Variants in TIMM23B observed in about 807,000 individuals in gnomAD.
The protein encoded by TIMM23B is translocase of inner mitochondrial membrane 23 homolog B.
TIMM23B carries 27 observed loss-of-function variants against 27.3 expected under a neutral mutation model. The observed-to-expected ratio is 0.99, with a 90% CI of 0.73 to 1.36. The LOEUF (loss-of-function observed/expected upper bound fraction) is 1.36, where lower values mean the gene tolerates loss of function less well. Ranked by LOEUF, TIMM23B falls within the 40% of genes most tolerant of loss-of-function variation. TIMM23B has a pLI of 0.00. For missense variants in TIMM23B, 205 were observed against 244.2 expected (o/e 0.84, Z 1.07); for synonymous variants, 73 against 92.4 (o/e 0.79, Z 1.21).
chr10:49,946,491 G>A (rs1220369170), intron 2 of TIMM23B, among the ~76,000 whole-genome samples: 44 of 152,182 alleles, frequency 2.9e-4, no homozygotes, highest in Admixed American at 1.1e-3. Flanking sequence ...ACTAATGATC[G>A]AGTTCAGCAA....
intron 2 of TIMM23B, among the ~76,000 whole-genome samples, chr10:49,947,654 G>A (rs1165865138): frequency 4.6e-5 from 7 of 151,692 alleles, no homozygotes; most frequent in Non-Finnish European, 1.0e-4. Context: ...AAGTCCTGGC[G>A]CAGTGGCTCG....
At chr10:49,959,822 C>T (rs1439783539) in intron 6 of TIMM23B, among the ~76,000 whole-genome samples, 1 of 151,552 alleles carries the variant, frequency 6.6e-6, no homozygotes, top group Non-Finnish European at 1.5e-5. Context: ...GATCTCGGCT[C>T]ACTGCAACCT....
intron 2 of TIMM23B, among the ~76,000 whole-genome samples, chr10:49,949,543 C>A (rs1267214546): frequency 6.6e-6 from 1 of 151,804 alleles, no homozygotes; most frequent in East Asian, 1.9e-4. Flanking sequence ...TCATTGTAGC[C>A]CTGCATTGCT....
chr10:49,967,773 C>G (rs1554855670), intron 6 of TIMM23B, among the ~76,000 whole-genome samples: 1 of 151,442 alleles, frequency 6.6e-6, no homozygotes, highest in African/African-American at 2.4e-5. Flanking sequence ...GCCTTTTCCT[C>G]TGTCTTAAGA....
At chr10:49,963,783 T>C (rs1207680799) in intron 6 of TIMM23B, among the ~76,000 whole-genome samples, 2 of 152,184 alleles carry the variant, frequency 1.3e-5, no homozygotes, top group African/African-American at 4.8e-5. Context: ...CTGGCCAACA[T>C]GATGAAACCC....
At chr10:49,972,931 C>T (rs1840515514) in intron 6 of TIMM23B, 81 bp from the exon 7 acceptor site, 5 of 780,140 alleles carry the variant, frequency 6.4e-6, no homozygotes, top group Middle Eastern at 3.6e-4. Flanking sequence ...ATGCTTTCTT[C>T]TCTTCTTGCT....
chr10:49,952,414 C>T (rs1839562093), intron 3 of TIMM23B, 35 bp from the exon 4 acceptor site: 1 of 1,598,966 alleles, frequency 6.3e-7, no homozygotes, highest in African/African-American at 1.4e-5. Flanking sequence ...TAATATAAAG[C>T]TGTCTTATCT....
intron 5 of TIMM23B, among the ~76,000 whole-genome samples, chr10:49,958,097 G>A (rs1839785165): frequency 6.6e-6 from 1 of 152,150 alleles, no homozygotes; most frequent in African/African-American, 2.4e-5. Context: ...GGCAGGAGAA[G>A]GTCACAGAGA....
intron 1 of TIMM23B, chr10:49,943,351 G>C (rs1163519080): frequency 6.6e-6 from 1 of 151,986 alleles, no homozygotes; most frequent in Non-Finnish European, 1.5e-5. Flanking sequence ...AAGTAGCTGG[G>C]AATCTAGGTA....
rs1461582836 is a variant in TIMM23B, at chr10:49,973,219, C to A, written c.*155C>A. Reference sequence around the variant, plus strand: ...CAAGTAGTAGTCTCTGTCAGAGCTACATTTTAAAGGAGAAAAAGAAACGTG... The same window carrying A: ...CAAGTAGTAGTCTCTGTCAGAGCTAAATTTTAAAGGAGAAAAAGAAACGTG... On this transcript the variant is annotated 3_prime_UTR_variant, in exon 7 of 7. Coordinates refer to ENST00000651259, the MANE Select transcript of TIMM23B (RefSeq NM_001290117.2). 2.6e-5 allele frequency: 14 copies of A among 539,368 alleles called. No individual in the cohort carries two copies. The highest frequency in any genetic ancestry group is 4.6e-5 in the Non-Finnish European group (14 of 303,864). The allele number at this position is 539,368 out of a possible 1,614,324, so 33.4% of individuals were successfully genotyped here. A position where few individuals can be genotyped will look rare whatever the true frequency, so the allele number is the denominator to read the frequency against.
At chr10:49,966,968 A>G (rs1439518436) in intron 6 of TIMM23B, among the ~76,000 whole-genome samples, 2 of 151,396 alleles carry the variant, frequency 1.3e-5, no homozygotes, top group East Asian at 3.9e-4. Context: ...GTCTCAGACT[A>G]GAGTACAGTG....
chr10:49,970,546 C>A, intron 6 of TIMM23B: 1 of 155,796 alleles, frequency 6.4e-6, no homozygotes. Context: ...GTGAGGAGCC[C>A]CGCCGCCCAG....
intron 5 of TIMM23B, among the ~76,000 whole-genome samples, chr10:49,956,992 C>G (rs1289862720): frequency 2.0e-5 from 3 of 147,368 alleles, no homozygotes; most frequent in Non-Finnish European, 4.6e-5. Flanking sequence ...TTGCAGTGGA[C>G]AGCAGTTGGG....
intron 2 of TIMM23B, among the ~76,000 whole-genome samples, chr10:49,945,573 G>A (rs1367291947): frequency 9.2e-5 from 14 of 152,246 alleles, no homozygotes; most frequent in African/African-American, 3.1e-4. Flanking sequence ...TAGAGACCGG[G>A]TTTCACCATG....
At chr10:49,946,558 A>G (rs1839362140) in intron 2 of TIMM23B, among the ~76,000 whole-genome samples, 5 of 152,194 alleles carry the variant, frequency 3.3e-5, no homozygotes, top group African/African-American at 7.2e-5. Flanking sequence ...TGCAATGAAC[A>G]CTACAAAAAT....
intron 6 of TIMM23B, among the ~76,000 whole-genome samples, chr10:49,964,807 TAATG>T (rs1447075618): frequency 1.4e-4 from 21 of 151,374 alleles, no homozygotes; most frequent in Admixed American, 6.6e-5. Flanking sequence ...AATGAAGAAA[TAATG>T]AAATGAAATG....
At chr10:49,968,466 A>C (rs1434816580) in intron 6 of TIMM23B, among the ~76,000 whole-genome samples, 7 of 152,222 alleles carry the variant, frequency 4.6e-5, no homozygotes, top group Non-Finnish European at 7.3e-5. Context: ...GATGCATAAT[A>C]AACCAACCCA....
intron 2 of TIMM23B, among the ~76,000 whole-genome samples, chr10:49,947,731 C>A (rs1380626250): frequency 6.6e-6 from 1 of 152,060 alleles, no homozygotes; most frequent in Non-Finnish European, 1.5e-5. Context: ...GAGTTTGAGA[C>A]CTGCCTGGCC....
Position 49,967,670 on chromosome 10 carries a change from T to A in TIMM23B, c.515-5342T>A, listed in dbSNP as rs561858397. On this transcript the variant is annotated intron_variant, in intron 6 of 6. Coordinates refer to ENST00000651259, the MANE Select transcript of TIMM23B (RefSeq NM_001290117.2). The stretch of plus-strand genomic sequence containing the variant: ...CCAAGAGCTTTCTTTTCATAATTTA[T>A]GTTGGAGGTGTTCCAGACTATGTTA... Among the ~76,000 whole-genome samples the A allele has an allele frequency of 1.0e-3, 156 of 152,316 alleles. 4 individuals carry two copies. In the South Asian group the frequency reaches 0.03, roughly 29 times the overall value.
Sources: allele counts gnomAD v4.1 joint callset (sites outside exome capture counted in the v4.1 genomes callset), GRCh38; gene constraint gnomAD v4.1.1; transcripts MANE v1.5; gene names NCBI Gene and HGNC (gene_info 2026-07-23, HGNC 2026-07-21).